LOXL1: variants seen among roughly 807,000 people sequenced by gnomAD.
LOXL1 encodes lysyl oxidase homolog 1.
LOXL1 carries 31 observed loss-of-function variants against 62.2 expected under a neutral mutation model. The ratio of observed to expected loss-of-function variants is 0.50; its 90% CI spans 0.37 to 0.67. The LOEUF is 0.67. LOXL1 is among the 30% of genes least tolerant of loss of function. The probability of loss-of-function intolerance (pLI) is 0.00; values close to 1 mark genes in which losing one functional copy is unlikely to be tolerated. For missense variants in LOXL1, 775 were observed against 843.4 expected, an observed-to-expected ratio of 0.92 and a Z score of 1.00; for synonymous variants, 403 against 384.4, an observed-to-expected ratio of 1.05 and a Z score of -0.56.
chr15:73,949,711 A>G, intron 6 of LOXL1, 137 bp downstream of exon 6: 1 of 656,428 alleles, frequency 1.5e-6, no homozygotes, highest in Non-Finnish European at 2.7e-6. Context: ...GGGCCCATCA[A>G]AAAGAGCCTT....
intron 6 of LOXL1, 22 bp from the exon 7 acceptor site, chr15:73,951,809 C>A: frequency 6.5e-7 from 1 of 1,549,006 alleles, no homozygotes; most frequent in African/African-American, 1.4e-5. Context: ...CCCTCATTGA[C>A]CCACTGTCTT....
chr15:73,946,029 G>GC (rs904900514), intron 2 of LOXL1, among the ~76,000 whole-genome samples: 4 of 152,156 alleles, frequency 2.6e-5, no homozygotes, highest in African/African-American at 9.7e-5. Context: ...AAAGTGCCTG[G>GC]CCCCCGCAAT....
intron 3 of LOXL1, among the ~76,000 whole-genome samples, 155 bp from the exon 4 acceptor site, chr15:73,946,912 G>A (rs78826069): frequency 0.053 from 8,091 of 152,296 alleles, 335 homozygotes; most frequent in East Asian, 0.24. Flanking sequence ...AGCACAGAGG[G>A]GCCACCCCGC....
At chr15:73,936,744 C>T (rs560665092) in intron 1 of LOXL1, among the ~76,000 whole-genome samples, 66 of 152,288 alleles carry the variant, frequency 4.3e-4, no homozygotes, top group Non-Finnish European at 7.5e-4. Flanking sequence ...GGGCTCTCAG[C>T]GCCAGGCAGC....
At chr15:73,937,292 G>A (rs1228056642) in intron 1 of LOXL1, among the ~76,000 whole-genome samples, 1 of 152,222 alleles carries the variant, frequency 6.6e-6, no homozygotes, top group East Asian at 1.9e-4. Context: ...GAAGCTCCAG[G>A]GGCAGAGCCA....
chr15:73,944,819 T>G (rs1567088774), intron 2 of LOXL1, among the ~76,000 whole-genome samples: 1 of 152,128 alleles, frequency 6.6e-6, no homozygotes, highest in Non-Finnish European at 1.5e-5. Flanking sequence ...AACCCAGACA[T>G]AGACAGATTC....
At chr15:73,948,167 C>T (rs2068760893) in intron 5 of LOXL1, among the ~76,000 whole-genome samples, 1 of 152,186 alleles carries the variant, frequency 6.6e-6, no homozygotes, top group Non-Finnish European at 1.5e-5. Context: ...TACTGTCTCC[C>T]TAAGTGACAG....
intron 4 of LOXL1, 44 bp from the exon 5 acceptor site, chr15:73,947,763 G>A: frequency 7.1e-7 from 1 of 1,402,402 alleles, no homozygotes; most frequent in Non-Finnish European, 1.0e-6. Context: ...GGTGGCTCTG[G>A]GAAACAAGCA....
At chr15:73,935,201 G>A (rs1409203688) in intron 1 of LOXL1, among the ~76,000 whole-genome samples, 1 of 152,228 alleles carries the variant, frequency 6.6e-6, no homozygotes, top group African/African-American at 2.4e-5. Context: ...GCTGTGCCAG[G>A]AGTGGACAGT....
chr15:73,947,036 T>C, intron 3 of LOXL1, 31 bp from the exon 4 acceptor site: 1 of 1,558,406 alleles, frequency 6.4e-7, no homozygotes. Flanking sequence ...GACTAGGCCC[T>C]CTTCTTTCTC....
rs1317575052 is a variant in LOXL1 at position 73,927,284 on chromosome 15, C to A, written c.501C>A (p.Tyr167Ter). The change falls in exon 1 of 7, where the codon TAC becomes TAA. Residue 167 changes from tyrosine to a stop codon, truncating the protein, a stop_gained. Coordinates refer to ENST00000261921, the MANE Select transcript of LOXL1 (RefSeq NM_005576.4). LOFTEE classifies it high-confidence loss of function. The part of the protein sequence containing the change: ...SVSASAFAST[Y>*]RQQPSYPQQF... ...CGGCTTCGGCCTTCGCCAGCACCTA[C>A]CGCCAGCAGCCCTCCTACCCGCAGC... 6.2e-7 allele frequency: 1 copy of A among 1,603,272 alleles called. No individual in the cohort carries two copies.
At chr15:73,947,474 G>A in intron 4 of LOXL1, 1 of 516,290 alleles carries the variant, frequency 1.9e-6, no homozygotes, top group South Asian at 3.1e-5. Flanking sequence ...CAACAGTCTG[G>A]AGAGCAACAC....
chr15:73,946,488 A>G lies in LOXL1; in HGVS notation c.1283A>G (p.Asn428Ser). 1 of 1,612,396 alleles carries G rather than the reference A, an allele frequency of 6.2e-7. No individual in the cohort carries two copies. Among genetic ancestry groups the G allele is most frequent in the Non-Finnish European group, 8.5e-7 (1 of 1,179,390 alleles). ...VLLRFPQRVK[N>S]QGTADFLPNR... ...CTGCGCTTCCCCCAGCGCGTGAAGA[A>G]CCAGGGCACAGCAGACTTCCTCCCC... Residue 428 changes from asparagine (N) to serine (S), a missense_variant, in exon 3 of 7, where the codon AAC becomes AGC. Coordinates refer to ENST00000261921, the MANE Select transcript of LOXL1 (RefSeq NM_005576.4).
chr15:73,927,608 G>A lies in LOXL1; in HGVS notation c.825G>A (p.Ser275=), dbSNP rs2068596006. Residue 275 remains serine, a synonymous_variant, in exon 1 of 7, where the codon TCG becomes TCA. Coordinates refer to ENST00000261921, the MANE Select transcript of LOXL1 (RefSeq NM_005576.4). The part of the protein sequence containing the change: ...PPPDGLDRRY[S]HSLYSEGTPG... ...CCGACGGCCTGGACCGCCGCTACTCGCACAGTCTGTACAGCGAGGGCACCC... is the reference window on the plus strand; with the variant it reads ...CCGACGGCCTGGACCGCCGCTACTCACACAGTCTGTACAGCGAGGGCACCC... The A allele has an allele frequency of 4.7e-6, 7 of 1,500,220 alleles. No homozygotes were observed. The highest frequency in any genetic ancestry group is 6.2e-6 in the Non-Finnish European group (7 of 1,131,482). The allele number at this position is 1,500,220 out of a possible 1,614,324, so 92.9% of individuals were successfully genotyped here. A position where few individuals can be genotyped will look rare whatever the true frequency, so the allele number is the denominator to read the frequency against.
rs917623928 is a variant in LOXL1 at position 73,946,561 on chromosome 15, G to C, written c.1349+7G>C. 1 of 1,600,028 alleles carries C rather than the reference G, an allele frequency of 6.2e-7. No individual in the cohort carries two copies. On this transcript the variant is annotated splice_region_variant and intron_variant, in intron 3 of 6. Coordinates refer to ENST00000261921, the MANE Select transcript of LOXL1 (RefSeq NM_005576.4). ...AGTGGCACAGCTGCCACCAGTGAGT[G>C]GGGAGGGGCTGGGCCCGTCCTCTTC...
intron 5 of LOXL1, among the ~76,000 whole-genome samples, chr15:73,949,151 T>G (rs2068767165): frequency 2.0e-5 from 3 of 152,150 alleles, no homozygotes; most frequent in Admixed American, 6.5e-5. Context: ...AGCTCCTCAT[T>G]ACTGCATTCC....
At chr15:73,948,773 G>A (rs765701675) in intron 5 of LOXL1, among the ~76,000 whole-genome samples, 1 of 152,192 alleles carries the variant, frequency 6.6e-6, no homozygotes, top group Admixed American at 6.5e-5. Flanking sequence ...CAATCAACAT[G>A]TAGGAAGTCC....
chr15:73,926,762 A>G lies in LOXL1; in HGVS notation c.-22A>G. On this transcript the variant is annotated 5_prime_UTR_variant, in exon 1 of 7. Coordinates refer to ENST00000261921, the MANE Select transcript of LOXL1 (RefSeq NM_005576.4). ...ACTCCTGAGAGCCTCTCTGTCCACC[A>G]GGCCTCTGCAGAGGGGTCACCATGG... 4 of 1,376,004 alleles carry G rather than the reference A, an allele frequency of 2.9e-6. No individual in the cohort carries two copies. The highest frequency in any genetic ancestry group is 3.8e-6 in the Non-Finnish European group (4 of 1,057,884). The allele number at this position is 1,376,004 out of a possible 1,614,324, so 85.2% of individuals were successfully genotyped here.
At chr15:73,928,533 G>C (rs1410040510) in intron 1 of LOXL1, among the ~76,000 whole-genome samples, 1 of 149,626 alleles carries the variant, frequency 6.7e-6, no homozygotes, top group Non-Finnish European at 1.5e-5. Context: ...GAATTTCAGG[G>C]GCTACCAAAA....
Sources: allele counts gnomAD v4.1 joint callset (sites outside exome capture counted in the v4.1 genomes callset), GRCh38; gene constraint gnomAD v4.1.1; transcripts MANE v1.5; gene names NCBI Gene and HGNC (gene_info 2026-07-23, HGNC 2026-07-21).